The following FBXO41 variants were observed in gnomAD, a reference collection of about 807,000 sequenced individuals.
The protein encoded by FBXO41 is F-box protein 41.
In FBXO41, 33 loss-of-function variants were observed where a neutral mutation model predicts 81.6. The observed-to-expected ratio is 0.40, with a 90% CI of 0.31 to 0.54. The LOEUF (loss-of-function observed/expected upper bound fraction) is 0.54, where lower values mean the gene tolerates loss of function less well. Ranked by LOEUF, FBXO41 falls within the 20% of genes least tolerant of loss-of-function variation. FBXO41 has a pLI of 0.39. For missense variants in FBXO41, 1,107 were observed against 1,236.0 expected (o/e 0.90, Z 1.56); for synonymous variants, 576 against 552.7 (o/e 1.04, Z -0.59).
rs115168378 is a variant in FBXO41, at chr2:73,256,811, T to G, written c.*2171A>C. 701 of 152,758 alleles carry G rather than the reference T, an allele frequency of 4.6e-3. 2 individuals carry two copies. The highest frequency in any genetic ancestry group is 0.011 in the South Asian group (52 of 4,824). 9.5% of individuals were successfully genotyped at this position (152,758 alleles called of 1,614,324 possible). On this transcript the variant is annotated 3_prime_UTR_variant, in exon 13 of 13. Transcript: ENST00000520530. ...CACTACCCATACACCCCAACCTCCT[T>G]TCTAGGGCTAATGCCAGGCATTCTA...
Position 73,268,709 on chromosome 2 carries a change from C to G in FBXO41, c.905+17G>C. ...GCACAGGCACAACCACTCACAGGGC[C>G]CCGAGGGTCTACTCACTGCTGCTTG... is the stretch of plus-strand genomic sequence containing the variant. On this transcript the variant is annotated intron_variant, in intron 2 of 12. Coordinates refer to ENST00000520530, the MANE Select transcript of FBXO41 (RefSeq NM_001371389.2). 1 of 1,507,518 alleles carries G rather than the reference C, an allele frequency of 6.6e-7. No homozygotes were observed. The highest frequency in any genetic ancestry group is 8.9e-7 in the Non-Finnish European group (1 of 1,121,920). 93.4% of individuals were successfully genotyped at this position (1,507,518 alleles called of 1,614,324 possible).
In FBXO41 at chr2:73,269,560, G is replaced by A; in HGVS notation, c.71C>T (p.Ser24Leu). The A allele has an allele frequency of 7.4e-7, 1 of 1,358,792 alleles. No individual in the cohort carries two copies. The allele number at this position is 1,358,792 out of a possible 1,614,324, so 84.2% of individuals were successfully genotyped here. A position where few individuals can be genotyped will look rare whatever the true frequency, so the allele number is the denominator to read the frequency against. Residue 24 changes from serine to leucine, a missense_variant, in exon 2 of 13, where the codon TCG becomes TTG. Around this residue, in one of 2 missense-constraint regions of FBXO41, gnomAD observed 771 missense variants for 789.2 expected, o/e 0.98. Transcript: ENST00000520530. The surrounding 1 kb of genome is among the most constrained non-coding windows in gnomAD (Gnocchi z 7.0). ...GEHKRFRSLS[S>L]LRAHLEYSHT... ...GCTGTACTCCAGGTGCGCGCGCAGC[G>A]ACGACAGGCTCCGGAAGCGCTTGTG...
intron 5 of FBXO41, 103 bp downstream of exon 5, chr2:73,265,179 T>G: frequency 1.8e-6 from 2 of 1,119,386 alleles, no homozygotes; most frequent in South Asian, 1.6e-5. Context: ...GGGCGCTATG[T>G]AGGAGGGGTG....
chr2:73,282,371 G>A (rs921930205), intron 1 of FBXO41, among the ~76,000 whole-genome samples: 9 of 152,136 alleles, frequency 5.9e-5, no homozygotes, highest in Non-Finnish European at 2.9e-5. Context: ...TTCAAAGGCA[G>A]GATGGTAATT....
At position 73,260,905 on chromosome 2, in the gene FBXO41, G is replaced by C; in HGVS notation, c.2172-47C>G. The C allele has an allele frequency of 6.8e-7, 1 of 1,480,204 alleles. No homozygotes were observed. Among genetic ancestry groups the C allele is most frequent in the Non-Finnish European group, 9.2e-7 (1 of 1,089,326 alleles). The allele number at this position is 1,480,204 out of a possible 1,614,324, so 91.7% of individuals were successfully genotyped here. ...CCGTCAGGGAAGTCTCTGGATGCTT[G>C]ATAACCCAGCATGCTCCTCCTGTGG... On this transcript the variant is annotated intron_variant, in intron 9 of 12. Transcript: ENST00000520530. The surrounding 1 kb of genome is among the most constrained non-coding windows in gnomAD (Gnocchi z 5.0).
intron 1 of FBXO41, chr2:73,272,042 A>G (rs1393668893): frequency 6.6e-6 from 1 of 152,248 alleles, no homozygotes; most frequent in African/African-American, 2.4e-5. Context: ...ATAGATCCAC[A>G]AAAGAAATTA....
In FBXO41 at chr2:73,260,599, T is replaced by A; in HGVS notation, c.2291-52A>T. On this transcript the variant is annotated intron_variant, in intron 10 of 12. Coordinates refer to ENST00000520530, the MANE Select transcript of FBXO41 (RefSeq NM_001371389.2). The surrounding 1 kb of genome is among the most constrained non-coding windows in gnomAD (Gnocchi z 5.0). ...GCTGACACACTCCCCAGGTCACCCC[T>A]GCAGCCAGCACCCTGGCTACCACCC... The A allele has an allele frequency of 6.4e-7, 1 of 1,552,680 alleles. No homozygotes were observed. Among genetic ancestry groups the A allele is most frequent in the Non-Finnish European group, 8.7e-7 (1 of 1,148,024 alleles).
At chr2:73,283,047 C>T (rs1016837824) in intron 1 of FBXO41, among the ~76,000 whole-genome samples, 18 of 152,126 alleles carry the variant, frequency 1.2e-4, no homozygotes, top group Non-Finnish European at 2.5e-4. Flanking sequence ...TGGATGTTAA[C>T]AGATGGATTT....
rs982888436 is a variant in FBXO41, at chr2:73,259,669, T to G, written c.2450-373A>C. Among the ~76,000 whole-genome samples, 4 of 144,294 alleles carry G rather than the reference T, an allele frequency of 2.8e-5. No homozygotes were observed. The highest frequency in any genetic ancestry group is 2.6e-5 in the African/African-American group (1 of 38,414). The allele number at this position is 144,294 out of a possible 152,430, so 94.7% of individuals were successfully genotyped here. On this transcript the variant is annotated intron_variant, in intron 11 of 12. Coordinates refer to ENST00000520530, the MANE Select transcript of FBXO41 (RefSeq NM_001371389.2). This position sits in a 1 kb window ranked among gnomAD's most constrained non-coding sequence, Gnocchi z 4.2. ...GGCTGAAGCACAAAGGAGGGGGAGGTGGGGCAAATACTTGGGGACAGAGGG... is the reference window on the plus strand; with the variant it reads ...GGCTGAAGCACAAAGGAGGGGGAGGGGGGGCAAATACTTGGGGACAGAGGG...
intron 1 of FBXO41, among the ~76,000 whole-genome samples, chr2:73,271,864 C>G (rs1688514107): frequency 6.6e-6 from 1 of 152,212 alleles, no homozygotes; most frequent in African/African-American, 2.4e-5. Flanking sequence ...CTCCTGACCT[C>G]AAGTGATCCA....
At chr2:73,272,752 A>G (rs1688577766) in intron 1 of FBXO41, among the ~76,000 whole-genome samples, 1 of 152,220 alleles carries the variant, frequency 6.6e-6, no homozygotes, top group African/African-American at 2.4e-5. Flanking sequence ...CACCACCACC[A>G]GGGACTTCAT....
intron 1 of FBXO41, among the ~76,000 whole-genome samples, chr2:73,270,513 C>T (rs190414002): frequency 6.6e-6 from 1 of 152,154 alleles, no homozygotes; most frequent in Admixed American, 6.5e-5. Flanking sequence ...CTAATGACAT[C>T]GCATGTGTCG....
Position 73,258,706 on chromosome 2 carries a change from C to T in FBXO41, c.*276G>A, listed in dbSNP as rs1687902193. On this transcript the variant is annotated 3_prime_UTR_variant, in exon 13 of 13. Coordinates refer to ENST00000520530, the MANE Select transcript of FBXO41 (RefSeq NM_001371389.2). ...TGACACCAGGCGCTGGTGGTGACAG[C>T]TCCTCACTGGCTGTGCCAGAGGCTA... 9 of 430,922 alleles carry T rather than the reference C, an allele frequency of 2.1e-5. No homozygotes were observed. In the South Asian group the frequency reaches 6.5e-4, roughly 31 times the overall value. The allele number at this position is 430,922 out of a possible 1,614,324, so 26.7% of individuals were successfully genotyped here.
At position 73,284,048 on chromosome 2, in the gene FBXO41, G is replaced by T. The variant is rs1235923206; in HGVS notation, c.-139+112C>A. 4 of 152,380 alleles carry T rather than the reference G, an allele frequency of 2.6e-5. No homozygotes were observed. The highest frequency in any genetic ancestry group is 9.6e-5 in the African/African-American group (4 of 41,468). 9.4% of individuals were successfully genotyped at this position (152,380 alleles called of 1,614,324 possible). On this transcript the variant is annotated intron_variant, in intron 1 of 12. Coordinates refer to ENST00000520530, the MANE Select transcript of FBXO41 (RefSeq NM_001371389.2). This position sits in a 1 kb window ranked among gnomAD's most constrained non-coding sequence, Gnocchi z 7.4. ...CCCTCCCCGTTGGGCGGCCTCGCGG[G>T]CCTCCGGAGGGCTGTGAAGGAGCCG...
At chr2:73,279,373 A>T (rs1197404822) in intron 1 of FBXO41, among the ~76,000 whole-genome samples, 1 of 152,214 alleles carries the variant, frequency 6.6e-6, no homozygotes, top group African/African-American at 2.4e-5. Flanking sequence ...CCAAAAATAC[A>T]GTTTTGGCAA....
chr2:73,264,278 C>T lies in FBXO41; in HGVS notation c.1806G>A (p.Lys602=). The change falls in exon 6 of 13, where the codon AAG becomes AAA. Residue 602 remains lysine (K), a splice_region_variant and synonymous_variant. Coordinates refer to ENST00000520530, the MANE Select transcript of FBXO41 (RefSeq NM_001371389.2). The part of the protein sequence containing the change: ...VLLENARVCS[K]FLAMLAQWCT... ...ACAGAAGGCAGGCAGGGGCAGGTAC[C>T]TTGGAGCAGACACGGGCATTCTCAA... is the stretch of plus-strand genomic sequence containing the variant. The T allele has an allele frequency of 6.2e-7, 1 of 1,613,272 alleles. No individual in the cohort carries two copies. Among genetic ancestry groups the T allele is most frequent in the Non-Finnish European group, 8.5e-7 (1 of 1,179,828 alleles).
intron 1 of FBXO41, chr2:73,270,888 C>T (rs777158482): frequency 9.4e-6 from 5 of 534,598 alleles, no homozygotes; most frequent in Non-Finnish European, 3.8e-6. Context: ...TCACAGACCA[C>T]CTGCTGATCA....
In FBXO41 at chr2:73,268,888, A is replaced by T; in HGVS notation, c.743T>A (p.Leu248Gln). 1.3e-6 allele frequency: 2 copies of T among 1,555,656 alleles called. No individual in the cohort carries two copies. Among genetic ancestry groups the T allele is most frequent in the Non-Finnish European group, 1.7e-6 (2 of 1,152,832 alleles). Residue 248 changes from leucine to glutamine, a missense_variant, in exon 2 of 13, where the codon CTG becomes CAG. By Grantham distance (113) the Leu-to-Gln change is moderately radical. Transcript: ENST00000520530. ...QAELERKAAE[L>Q]ETARQESARL... is the part of the protein sequence containing the mutation. ...CGCACTCTCCTGCCGCGCAGTCTCC[A>T]GTTCGGCCGCCTTGCGCTCCAGCTC...
chr2:73,265,660 AC>A lies in FBXO41; in HGVS notation c.1206-21del. 1 of 1,487,874 alleles carries A rather than the reference AC, an allele frequency of 6.7e-7. No homozygotes were observed. Among genetic ancestry groups the A allele is most frequent in the Non-Finnish European group, 9.0e-7 (1 of 1,117,116 alleles). 92.2% of individuals were successfully genotyped at this position (1,487,874 alleles called of 1,614,324 possible). On this transcript the variant is annotated intron_variant, in intron 4 of 12. Coordinates refer to ENST00000520530, the MANE Select transcript of FBXO41 (RefSeq NM_001371389.2). ...GAGGCCCTGGGGCAGGGTGGACCAC[AC>A]AGTAAGGGGTAAGAGGCACCAGGCC...
Sources: gnomAD v4.1 joint callset for allele counts (sites outside exome capture counted in the v4.1 genomes callset) on GRCh38, gnomAD v4.1.1 for gene constraint, gnomAD v4.1.1 regional missense constraint, Gnocchi (gnomAD v3.1) non-coding constraint, MANE v1.5 for transcripts, NCBI Gene and HGNC (gene_info 2026-07-23, HGNC 2026-07-21) for gene names.